The following MASP1 variants were observed in gnomAD, a reference collection of about 807,000 sequenced individuals.
MASP1 encodes the protein mannan-binding lectin serine protease 1.
A neutral mutation model predicts 77.1 loss-of-function variants in MASP1; 59 were observed. The observed-to-expected ratio is 0.77, with a 90% CI of 0.62 to 0.95. The LOEUF is 0.95. MASP1 is among the 40% of genes least tolerant of loss of function. The probability of loss-of-function intolerance (pLI) is 0.00; values close to 1 mark genes in which losing one functional copy is unlikely to be tolerated. For missense variants in MASP1, 885 were observed against 912.9 expected (o/e 0.97, Z 0.39); for synonymous variants, 362 against 354.5 (o/e 1.02, Z -0.24).
At chr3:187,251,383 T>TA in intron 7 of MASP1, 2 of 489,670 alleles carry the variant, frequency 4.1e-6, no homozygotes, top group Non-Finnish European at 7.4e-6. Context: ...ATCCATATTT[T>TA]AAAAATTCAA....
rs1717834459 is a variant in MASP1, at chr3:187,286,075, G to A, written c.6-19C>T. On this transcript the variant is annotated intron_variant, in intron 1 of 10. Transcript: ENST00000296280. ...CAGCCACCTGAAAGACATGAATGTA[G>A]GTCTACTTACATTTATAAACACAGG... The A allele has an allele frequency of 6.4e-7, 1 of 1,568,666 alleles. No homozygotes were observed. The highest frequency in any genetic ancestry group is 8.8e-7 in the Non-Finnish European group (1 of 1,138,882).
At chr3:187,281,300 G>T (rs1172680568) in intron 2 of MASP1, among the ~76,000 whole-genome samples, 11 of 152,048 alleles carry the variant, frequency 7.2e-5, no homozygotes, top group Non-Finnish European at 1.5e-5. Flanking sequence ...CTACTGATGA[G>T]CAGTATGAGC....
At chr3:187,284,258 T>C (rs578192797) in intron 2 of MASP1, among the ~76,000 whole-genome samples, 28 of 152,212 alleles carry the variant, frequency 1.8e-4, no homozygotes, top group Non-Finnish European at 2.9e-4. Flanking sequence ...CCACCGTCCC[T>C]AGCACAGGGC....
At chr3:187,219,753 A>G (rs1055298489) in exon 16 of MASP1, 15 of 406,684 alleles carry the variant, frequency 3.7e-5, no homozygotes, top group Non-Finnish European at 7.0e-5. Context: ...TCCTCATCAG[A>G]CTTTTACGAG....
intron 2 of MASP1, among the ~76,000 whole-genome samples, chr3:187,276,144 C>CCTT (rs10635484): frequency 0.98 from 148,926 of 151,878 alleles, 73,071 homozygotes; most frequent in East Asian, 1. Flanking sequence ...ACATGGCTAA[C>CCTT]CTTACCTGCT....
At chr3:187,265,353 T>C (rs1353795506) in intron 2 of MASP1, among the ~76,000 whole-genome samples, 1 of 152,204 alleles carries the variant, frequency 6.6e-6, no homozygotes, top group Non-Finnish European at 1.5e-5. Flanking sequence ...AGGGAGATAC[T>C]ACTGAGGGTC....
chr3:187,269,877 T>C (rs1716369600), intron 2 of MASP1, among the ~76,000 whole-genome samples: 1 of 152,186 alleles, frequency 6.6e-6, no homozygotes, highest in South Asian at 2.1e-4. Flanking sequence ...GAGCTATACC[T>C]TTGTGTGTCA....
intron 1 of MASP1, among the ~76,000 whole-genome samples, chr3:187,290,418 G>A (rs896513766): frequency 1.3e-5 from 2 of 152,128 alleles, no homozygotes; most frequent in African/African-American, 4.8e-5. Context: ...ATGGTAGGGT[G>A]GGATTCAGAC....
intron 4 of MASP1, among the ~76,000 whole-genome samples, chr3:187,260,465 C>T (rs185378476): frequency 6.6e-6 from 1 of 152,258 alleles, no homozygotes; most frequent in East Asian, 1.9e-4. Context: ...CAATTGCCTA[C>T]AATAGGATAG....
chr3:187,282,080 C>G (rs933866278), intron 2 of MASP1, among the ~76,000 whole-genome samples: 1 of 152,132 alleles, frequency 6.6e-6, no homozygotes, highest in Non-Finnish European at 1.5e-5. Context: ...GCCAGAGCAG[C>G]AAGATTCAAG....
intron 13 of MASP1, among the ~76,000 whole-genome samples, chr3:187,224,594 C>T (rs1174704385): frequency 3.9e-5 from 6 of 152,046 alleles, no homozygotes; most frequent in African/African-American, 1.4e-4. Context: ...GATCCGCCCG[C>T]CTCGGCCTCC....
At chr3:187,217,697 G>A (rs1465092350) in exon 16 of MASP1, 2 of 152,166 alleles carry the variant, frequency 1.3e-5, no homozygotes, top group Non-Finnish European at 2.9e-5. Flanking sequence ...AGAGATCTGG[G>A]TTTCTTGGAC....
At chr3:187,243,334 C>A (rs1230830699) in intron 9 of MASP1, 150 bp downstream of exon 9, 29 of 800,932 alleles carry the variant, frequency 3.6e-5, no homozygotes, top group Non-Finnish European at 5.7e-5. Flanking sequence ...AAAGTGAGAA[C>A]CTGAGATGTG....
intron 8 of MASP1, chr3:187,245,055 A>G (rs541229926): frequency 6.6e-6 from 1 of 152,314 alleles, no homozygotes; most frequent in East Asian, 1.9e-4. Flanking sequence ...GCCAATCAAG[A>G]CAACTGGTTT....
At chr3:187,219,904 A>T in exon 16 of MASP1, 1 of 704,614 alleles carries the variant, frequency 1.4e-6, no homozygotes, top group Non-Finnish European at 2.5e-6. Flanking sequence ...CCATCTCTTT[A>T]AAGAGAGTGA....
At chr3:187,262,171 A>T (rs1440463508) in intron 3 of MASP1, among the ~76,000 whole-genome samples, 2 of 152,224 alleles carry the variant, frequency 1.3e-5, no homozygotes, top group African/African-American at 4.8e-5. Context: ...ACACAAATAC[A>T]GATTTTTCAA....
At chr3:187,246,894 T>C (rs1714126251) in intron 8 of MASP1, 1 of 1,039,520 alleles carries the variant, frequency 9.6e-7, no homozygotes, top group African/African-American at 1.7e-5. Context: ...CAACAGGTAA[T>C]ACCTTCAGAT....
In MASP1 at chr3:187,260,944, A is replaced by G. The variant is rs563070007; in HGVS notation, c.416-72T>C. 937 of 1,555,608 alleles carry G rather than the reference A, an allele frequency of 6.0e-4. 7 individuals carry two copies. In the Middle Eastern group the frequency reaches 7.2e-3, roughly 12 times the overall value. ...AGACTACAGCCAACATTTATAGAGC[A>G]CTTGATATGGGCCACTCACTATGTT... On this transcript the variant is annotated intron_variant, in intron 3 of 10. Coordinates refer to ENST00000296280, the MANE Select transcript of MASP1 (RefSeq NM_139125.4).
intron 14 of MASP1, chr3:187,221,278 T>C (rs1306016760): frequency 1.5e-6 from 1 of 689,162 alleles, no homozygotes; most frequent in African/African-American, 1.8e-5. Flanking sequence ...TGCCCCATGC[T>C]ACAGGTGAAG....
Sources: allele counts gnomAD v4.1 joint callset (sites outside exome capture counted in the v4.1 genomes callset), GRCh38; gene constraint gnomAD v4.1.1; transcripts MANE v1.5; gene names NCBI Gene and HGNC (gene_info 2026-07-23, HGNC 2026-07-21).